UBE3B: variants seen among roughly 807,000 people sequenced by gnomAD.
UBE3B encodes the protein ubiquitin protein ligase E3B, also known as ubiquitin-protein ligase E3B.
In UBE3B, 80 loss-of-function variants were observed where a neutral mutation model predicts 132.3. The observed-to-expected ratio is 0.60, with a 90% CI of 0.50 to 0.73. UBE3B has a LOEUF of 0.73. UBE3B is among the 30% of genes least tolerant of loss of function. UBE3B has a pLI of 0.00. For synonymous variants in UBE3B, 487 were observed against 520.4 expected (o/e 0.94, Z 0.87); for missense variants, 1,196 against 1,362.5 (o/e 0.88, Z 1.92).
At chr12:109,507,025 C>T (rs74679026) in intron 14 of UBE3B, among the ~76,000 whole-genome samples, 14 of 152,222 alleles carry the variant, frequency 9.2e-5, no homozygotes, top group African/African-American at 2.2e-4. Context: ...GTCTGAACCT[C>T]GTCTGGTTCT....
At chr12:109,481,342 A>G (rs749282936) in intron 1 of UBE3B, among the ~76,000 whole-genome samples, 4 of 152,110 alleles carry the variant, frequency 2.6e-5, no homozygotes, top group Non-Finnish European at 4.4e-5. Flanking sequence ...AATGTCAAAT[A>G]TAATTTTCAG....
intron 24 of UBE3B, among the ~76,000 whole-genome samples, chr12:109,528,940 C>G (rs1232906289): frequency 2.0e-5 from 3 of 152,042 alleles, no homozygotes; most frequent in African/African-American, 7.2e-5. Context: ...GGGCAGATCA[C>G]CCGAGGTCAG....
intron 14 of UBE3B, among the ~76,000 whole-genome samples, chr12:109,507,208 T>C (rs765159309): frequency 3.3e-5 from 5 of 152,258 alleles, no homozygotes; most frequent in African/African-American, 7.2e-5. Context: ...CTGAGTTCTA[T>C]TCCTGGCTCT....
the UBE3B span, among the ~76,000 whole-genome samples, chr12:109,544,317 G>A: frequency 6.6e-6 from 1 of 150,556 alleles, no homozygotes; most frequent in Admixed American, 6.6e-5. Context: ...GGGTGCTGGT[G>A]GGAATGGGTG....
In UBE3B at chr12:109,534,322, C is replaced by T. The variant is rs975452733; in HGVS notation, c.3016-269C>T. 5.7e-6 allele frequency: 8 copies of T among 1,401,370 alleles called. No individual in the cohort carries two copies. In the East Asian group the frequency reaches 1.1e-4, roughly 19 times the overall value. 86.8% of individuals were successfully genotyped at this position (1,401,370 alleles called of 1,614,324 possible). A position where few individuals can be genotyped will look rare whatever the true frequency, so the allele number is the denominator to read the frequency against. The stretch of plus-strand genomic sequence containing the variant: ...TTTGTCAATTGGTTAACCAGTAATT[C>T]GCTGTGAACCGGAAGGCCCCATTTC... On this transcript the variant is annotated intron_variant, in intron 27 of 27. Transcript: ENST00000342494. The surrounding 1 kb of genome is among the most constrained non-coding windows in gnomAD (Gnocchi z 5.2).
Position 109,534,604 on chromosome 12 carries a change from C to T in UBE3B, c.3029C>T (p.Thr1010Ile). ...EVSDDQDTGD[T>I]LGSVLRGFFT... ...GTGTGCCTTCAGGACACCGGGGACACTCTGGGCAGCGTCCTCCGGGGCTTC... is the reference window on the plus strand; with the variant it reads ...GTGTGCCTTCAGGACACCGGGGACATTCTGGGCAGCGTCCTCCGGGGCTTC... The change falls in exon 28 of 28, where the codon ACT becomes ATT. Residue 1010 changes from threonine to isoleucine, a missense_variant. By Grantham distance (89) the Thr-to-Ile change is moderately conservative. Transcript: ENST00000342494. The surrounding 1 kb of genome is among the most constrained non-coding windows in gnomAD (Gnocchi z 5.2). The T allele has an allele frequency of 6.2e-7, 1 of 1,610,610 alleles. No individual in the cohort carries two copies. The highest frequency in any genetic ancestry group is 8.5e-7 in the Non-Finnish European group (1 of 1,178,322).
chr12:109,534,655 G>A lies in UBE3B; in HGVS notation c.3080G>A (p.Gly1027Asp). 6.2e-7 allele frequency: 1 copy of A among 1,611,726 alleles called. No homozygotes were observed. The highest frequency in any genetic ancestry group is 2.2e-5 in the East Asian group (1 of 44,664). The change falls in exon 28 of 28, where the codon GGC becomes GAC. Residue 1027 changes from glycine to aspartate, a missense_variant. Gly to Asp is a moderately conservative substitution (Grantham distance 94). Transcript: ENST00000342494. The surrounding 1 kb of genome is among the most constrained non-coding windows in gnomAD (Gnocchi z 5.2). ...TTCACCATCCGCAAGCGGGAGCCAGGCGGCCGCCTGCCCACCTCCTCCACC... is the reference window on the plus strand; with the variant it reads ...TTCACCATCCGCAAGCGGGAGCCAGACGGCCGCCTGCCCACCTCCTCCACC... ...GFFTIRKREP[G>D]GRLPTSSTCF... is the part of the protein sequence containing the mutation.
chr12:109,484,301 C>T (rs1876001253), intron 4 of UBE3B, among the ~76,000 whole-genome samples: 2 of 152,218 alleles, frequency 1.3e-5, no homozygotes, highest in Admixed American at 1.3e-4. Context: ...AACTGACAGG[C>T]AGCAGTGGTA....
intron 18 of UBE3B, among the ~76,000 whole-genome samples, chr12:109,515,212 C>A (rs1439310673): frequency 2.0e-5 from 3 of 151,404 alleles, no homozygotes; most frequent in Admixed American, 6.6e-5. Context: ...CGCGACTGGC[C>A]CATCCCCTTT....
At position 109,509,605 on chromosome 12, in the gene UBE3B, T is replaced by C; in HGVS notation, c.1632T>C (p.Asp544=). 6.3e-7 allele frequency: 1 copy of C among 1,597,038 alleles called. No homozygotes were observed. The highest frequency in any genetic ancestry group is 8.5e-7 in the Non-Finnish European group (1 of 1,174,850). Residue 544 remains aspartate, a synonymous_variant, in exon 16 of 28, where the codon GAT becomes GAC. Coordinates refer to ENST00000342494, the MANE Select transcript of UBE3B (RefSeq NM_130466.4). ...TTTCTCTCTGATTTAGAATCCTTGA[T>C]GACATTGAAGTTTATGAAGAACAGA... ...DCSRHLITIL[D]DIEVYEEQIS...
intron 10 of UBE3B, 144 bp from the exon 11 acceptor site, chr12:109,498,089 G>A: frequency 7.4e-7 from 1 of 1,355,420 alleles, no homozygotes; most frequent in Non-Finnish European, 1.0e-6. Context: ...GCCCAAAGAA[G>A]TGGGTTCTTG....
At chr12:109,518,929 G>A (rs546542889) in intron 19 of UBE3B, among the ~76,000 whole-genome samples, 24 of 152,298 alleles carry the variant, frequency 1.6e-4, no homozygotes, top group Non-Finnish European at 2.9e-4. Flanking sequence ...GCCTTTGCTG[G>A]ATTTGGACAC....
At position 109,497,841 on chromosome 12, in the gene UBE3B, C is replaced by T; in HGVS notation, c.737C>T (p.Ser246Leu). The change falls in exon 10 of 28, where the codon TCA becomes TTA. Residue 246 changes from serine (S) to leucine (L), a missense_variant. Physicochemically the swap from Ser to Leu is moderately radical, Grantham distance 145. Coordinates refer to ENST00000342494, the MANE Select transcript of UBE3B (RefSeq NM_130466.4). ...ALRPVIAAQF[S>L]DNLIRPFLIH... Reference sequence around the variant, plus strand: ...AGCCCTGTGATTGCTGCACAGTTCTCAGACAATCTGATTCGGCCGTTCCTC... The same window carrying T: ...AGCCCTGTGATTGCTGCACAGTTCTTAGACAATCTGATTCGGCCGTTCCTC... 6.2e-7 allele frequency: 1 copy of T among 1,614,192 alleles called. No homozygotes were observed. The highest frequency in any genetic ancestry group is 8.5e-7 in the Non-Finnish European group (1 of 1,180,036).
intron 21 of UBE3B, among the ~76,000 whole-genome samples, chr12:109,523,142 C>T (rs933174949): frequency 6.6e-5 from 10 of 152,212 alleles, no homozygotes; most frequent in African/African-American, 1.4e-4. Flanking sequence ...TTACCCCTTA[C>T]GGTCCTCTGA....
chr12:109,534,472 C>T lies in UBE3B; in HGVS notation c.3016-119C>T, dbSNP rs1441172153. 3.4e-6 allele frequency: 5 copies of T among 1,473,288 alleles called. No homozygotes were observed. Among genetic ancestry groups the T allele is most frequent in the Non-Finnish European group, 4.5e-6 (5 of 1,114,728 alleles). The allele number at this position is 1,473,288 out of a possible 1,614,324, so 91.3% of individuals were successfully genotyped here. On this transcript the variant is annotated intron_variant, in intron 27 of 27. Transcript: ENST00000342494. The surrounding 1 kb of genome is among the most constrained non-coding windows in gnomAD (Gnocchi z 5.2). ...GTAGTGGTGCCAGGGCAGCGCCCTG[C>T]ACTCTGCCCAGCATCCAGGGACTGG...
Position 109,534,621 on chromosome 12 carries a change from C to T in UBE3B, c.3046C>T (p.Arg1016Trp), listed in dbSNP as rs192805046. Reference sequence around the variant, plus strand: ...CGGGGACACTCTGGGCAGCGTCCTCCGGGGCTTCTTCACCATCCGCAAGCG... The same window carrying T: ...CGGGGACACTCTGGGCAGCGTCCTCTGGGGCTTCTTCACCATCCGCAAGCG... ...DTGDTLGSVL[R>W]GFFTIRKREP... Residue 1016 changes from arginine (R) to tryptophan (W), a missense_variant, in exon 28 of 28, where the codon CGG (arginine) becomes TGG (tryptophan). Transcript: ENST00000342494. This position sits in a 1 kb window ranked among gnomAD's most constrained non-coding sequence, Gnocchi z 5.2. 4.8e-5 allele frequency: 77 copies of T among 1,611,386 alleles called. No homozygotes were observed. The highest frequency in any genetic ancestry group is 5.9e-5 in the Non-Finnish European group (69 of 1,178,758).
At chr12:109,518,901 G>C (rs1186066641) in intron 19 of UBE3B, among the ~76,000 whole-genome samples, 1 of 152,176 alleles carries the variant, frequency 6.6e-6, no homozygotes, top group African/African-American at 2.4e-5. Flanking sequence ...TTGGTTATTA[G>C]AATATGAGAG....
At chr12:109,518,398 T>C (rs894236090) in intron 19 of UBE3B, among the ~76,000 whole-genome samples, 2 of 152,232 alleles carry the variant, frequency 1.3e-5, no homozygotes, top group African/African-American at 4.8e-5. Context: ...TGTGAACTAA[T>C]TGAACTCTGT....
Position 109,534,560 on chromosome 12 carries a change from C to G in UBE3B, c.3016-31C>G. 3.8e-6 allele frequency: 6 copies of G among 1,578,926 alleles called. No homozygotes were observed. Among genetic ancestry groups the G allele is most frequent in the Non-Finnish European group, 5.2e-6 (6 of 1,162,522 alleles). ...GCCTGGGCTCCCAAACTAGGCCCTTCCCAATTCAAGGCCACGATGTGTGCC... is the reference window on the plus strand; with the variant it reads ...GCCTGGGCTCCCAAACTAGGCCCTTGCCAATTCAAGGCCACGATGTGTGCC... On this transcript the variant is annotated intron_variant, in intron 27 of 27. Coordinates refer to ENST00000342494, the MANE Select transcript of UBE3B (RefSeq NM_130466.4). This position sits in a 1 kb window ranked among gnomAD's most constrained non-coding sequence, Gnocchi z 5.2.
Sources: allele counts gnomAD v4.1 joint callset (sites outside exome capture counted in the v4.1 genomes callset), GRCh38; gene constraint gnomAD v4.1.1; non-coding constraint Gnocchi (gnomAD v3.1); transcripts MANE v1.5; gene names NCBI Gene and HGNC (gene_info 2026-07-23, HGNC 2026-07-21).